RNASE11: variants seen among roughly 807,000 people sequenced by gnomAD.
RNASE11 encodes the protein putative inactive ribonuclease 11.
For missense variants in RNASE11, 252 were observed against 237.8 expected (o/e 1.06, Z -0.39); for synonymous variants, 105 against 86.1 (o/e 1.22, Z -1.21).
chr14:20,587,687 A>C (rs969224855), exon 1 of RNASE11: 4 of 985,270 alleles, frequency 4.1e-6, no homozygotes, highest in East Asian at 1.1e-4. Flanking sequence ...ACTCAGCTGA[A>C]AAACGGCCAC....
upstream of RNASE11, chr14:20,590,077 TG>T: frequency 2.0e-6 from 2 of 1,019,692 alleles, no homozygotes; most frequent in Non-Finnish European, 2.7e-6. Flanking sequence ...GTAGAATTTA[TG>T]GTTTAATTCA....
At chr14:20,585,264 G>A (rs894201891) in intron 1 of RNASE11, 1 of 154,578 alleles carries the variant, frequency 6.5e-6, no homozygotes, top group Non-Finnish European at 1.4e-5. Flanking sequence ...AATGACCTGG[G>A]CAGTACCATT....
At chr14:20,585,098 T>C (rs6576288) in intron 1 of RNASE11, 210,881 of 982,674 alleles carry the variant, frequency 0.21, 23,585 homozygotes, top group African/African-American at 0.33. Flanking sequence ...GAAATCGTGT[T>C]TGTTTCCTGG....
upstream of RNASE11, chr14:20,587,923 C>A: frequency 1.1e-6 from 1 of 870,516 alleles, no homozygotes; most frequent in Non-Finnish European, 1.4e-6. Context: ...AGTCTCTCAA[C>A]TGAAAAGATC....
At position 20,585,247 on chromosome 14, in the gene RNASE11, G is replaced by A. The variant is rs763716002; in HGVS notation, c.-22-751C>T. 2.5e-4 allele frequency: 41 copies of A among 163,126 alleles called. No individual in the cohort carries two copies. In the Middle Eastern group the frequency reaches 0.016, roughly 63 times the overall value. The allele number at this position is 163,126 out of a possible 1,614,324, so 10.1% of individuals were successfully genotyped here. A position where few individuals can be genotyped will look rare whatever the true frequency, so the allele number is the denominator to read the frequency against. On this transcript the variant is annotated intron_variant, in intron 1 of 1. Coordinates refer to ENST00000553849, the Ensembl canonical transcript of RNASE11. ...GAACAAAGTGCCCATTTGGCAGTCG[G>A]AATCCCAATGACCTGGGCAGTACCA... is the stretch of plus-strand genomic sequence containing the variant.
intron 1 of RNASE11, among the ~76,000 whole-genome samples, chr14:20,586,393 A>T (rs973951759): frequency 7.2e-5 from 11 of 152,028 alleles, no homozygotes; most frequent in African/African-American, 2.7e-4. Context: ...TGAACTTCTT[A>T]TCATTCCCTT....
upstream of RNASE11, chr14:20,590,177 G>C (rs1321414199): frequency 6.6e-7 from 1 of 1,516,216 alleles, no homozygotes; most frequent in African/African-American, 1.4e-5. Flanking sequence ...TTCCCCTTCC[G>C]CTCAAGGCAT....
chr14:20,587,684 T>G, exon 1 of RNASE11: 1 of 985,198 alleles, frequency 1.0e-6, no homozygotes, highest in Non-Finnish European at 1.2e-6. Context: ...GAAACTCAGC[T>G]GAAAAACGGC....
chr14:20,589,014 T>A (rs1279894558), upstream of RNASE11, among the ~76,000 whole-genome samples: 1 of 152,228 alleles, frequency 6.6e-6, no homozygotes, highest in East Asian at 1.9e-4. Flanking sequence ...CTCAAACTCC[T>A]GACCTCAAGT....
intron 1 of RNASE11, among the ~76,000 whole-genome samples, chr14:20,586,685 T>C (rs920514601): frequency 3.3e-5 from 5 of 152,166 alleles, no homozygotes; most frequent in African/African-American, 1.2e-4. Flanking sequence ...TCCTATACCA[T>C]TGACATCAGT....
downstream of RNASE11, chr14:20,582,948 C>G (rs1432248167): frequency 6.6e-6 from 1 of 152,066 alleles, no homozygotes; most frequent in Admixed American, 6.6e-5. Context: ...AGAGTGGTCT[C>G]AGGATGGAGG....
chr14:20,586,349 C>T (rs930501711), intron 1 of RNASE11, among the ~76,000 whole-genome samples: 16 of 152,066 alleles, frequency 1.1e-4, no homozygotes, highest in African/African-American at 1.4e-4. Context: ...GTTTCATCAC[C>T]GCTTAAGTCT....
downstream of RNASE11, chr14:20,583,362 T>C (rs1450903286): frequency 6.5e-6 from 1 of 154,686 alleles, no homozygotes; most frequent in Non-Finnish European, 1.4e-5. Flanking sequence ...AAGAATCTTT[T>C]TCCTCTGGCA....
chr14:20,584,074 G>C, exon 2 of RNASE11: 1 of 1,614,142 alleles, frequency 6.2e-7, no homozygotes, highest in Non-Finnish European at 8.5e-7. Flanking sequence ...GCAGCTGGGG[G>C]CCCTGTGGAC....
At chr14:20,584,227 T>C (rs566985104) in exon 2 of RNASE11, 3 of 1,614,234 alleles carry the variant, frequency 1.9e-6, no homozygotes, top group Admixed American at 1.7e-5. Context: ...GGGGTCATTA[T>C]AATGTAAACT....
chr14:20,590,250 G>C (rs773142687), upstream of RNASE11: 1 of 1,605,902 alleles, frequency 6.2e-7, no homozygotes, highest in Non-Finnish European at 8.5e-7. Flanking sequence ...ATTGAGAGAA[G>C]AGATCTCAGA....
upstream of RNASE11, chr14:20,587,807 G>A (rs534590663): frequency 1.1e-4 from 110 of 985,356 alleles, no homozygotes; most frequent in African/African-American, 6.1e-4. Flanking sequence ...CTGATCAATC[G>A]CATGGAACTT....
chr14:20,584,069 T>A (rs751651864), exon 2 of RNASE11: 3 of 1,614,172 alleles, frequency 1.9e-6, no homozygotes, highest in South Asian at 2.2e-5. Flanking sequence ...AACTTGCAGC[T>A]GGGGGCCCTG....
chr14:20,585,157 G>A (rs1158538919), intron 1 of RNASE11: 1 of 854,392 alleles, frequency 1.2e-6, no homozygotes, highest in Non-Finnish European at 1.4e-6. Flanking sequence ...CAACAGAGGG[G>A]TAGATAGGGT....
Sources: gnomAD v4.1 joint callset for allele counts (sites outside exome capture counted in the v4.1 genomes callset) on GRCh38, gnomAD v4.1.1 for gene constraint, MANE v1.5 for transcripts, NCBI Gene and HGNC (gene_info 2026-07-23, HGNC 2026-07-21) for gene names.